MKLN1: variants seen among roughly 807,000 people sequenced by gnomAD.
MKLN1 encodes muskelin 1.
Under a neutral mutation model 99.0 loss-of-function variants are expected in MKLN1, and 18 were observed. The observed-to-expected ratio is 0.18, with a 90% CI of 0.13 to 0.27. The LOEUF (loss-of-function observed/expected upper bound fraction) is 0.27. Among genes scored for constraint, MKLN1 ranks in the 10% least tolerant of loss-of-function variants. The pLI, the probability that MKLN1 is intolerant of heterozygous loss-of-function variation, is 1.00. For synonymous variants in MKLN1, 288 were observed against 293.2 expected (o/e 0.98, Z 0.18); for missense variants, 621 against 875.9 (o/e 0.71, Z 3.67).
chr7:131,241,367 G>A (rs1330569468), intron 3 of MKLN1, among the ~76,000 whole-genome samples: 1 of 132,552 alleles, frequency 7.5e-6, no homozygotes, highest in African/African-American at 2.8e-5. Flanking sequence ...GACAGAAGGA[G>A]ACTCTGTCTA....
chr7:131,241,532 A>G (rs561309413), intron 3 of MKLN1, among the ~76,000 whole-genome samples: 1 of 152,294 alleles, frequency 6.6e-6, no homozygotes, highest in East Asian at 1.9e-4. Flanking sequence ...CATAGTGAGA[A>G]CTTGTCGCTA....
intron 1 of MKLN1, among the ~76,000 whole-genome samples, chr7:131,140,242 G>GA (rs1271664772): frequency 6.6e-6 from 1 of 152,134 alleles, no homozygotes; most frequent in East Asian, 1.9e-4. Context: ...CCTACTCCTT[G>GA]AAACATGCTT....
chr7:131,397,222 C>A, intron 4 of MKLN1, 45 bp from the exon 5 acceptor site: 1 of 1,240,082 alleles, frequency 8.1e-7, no homozygotes, highest in Non-Finnish European at 1.2e-6. Flanking sequence ...TTTATTTGAA[C>A]TGTGTTAATA....
At chr7:131,154,509 T>C (rs552357715) in intron 2 of MKLN1, among the ~76,000 whole-genome samples, 2 of 152,228 alleles carry the variant, frequency 1.3e-5, no homozygotes, top group South Asian at 2.1e-4. Context: ...TGAATTTGAA[T>C]TGAGAGTTGA....
chr7:131,158,751 C>T lies in MKLN1; in HGVS notation c.-297+15810C>T, dbSNP rs369448264. Among the ~76,000 whole-genome samples, 11 of 152,266 alleles carry T rather than the reference C, an allele frequency of 7.2e-5. No homozygotes were observed. The South Asian group carries it at 1.2e-3, about 17-fold the overall frequency. ...AATAGAAAATGGTGCAAAAACTGTT[C>T]AGTGAAAGGTGCATCTCATTTCCAT... On this transcript the variant is annotated intron_variant, in intron 2 of 7. Coordinates refer to the MKLN1 transcript ENST00000416992.
At chr7:131,275,561 A>AT (rs1163021502) in intron 3 of MKLN1, among the ~76,000 whole-genome samples, 13 of 12,498 alleles carry the variant, frequency 1.0e-3, no homozygotes, top group Admixed American at 1.3e-3. Context: ...ATATATATAT[A>AT]TATATATTTT....
chr7:131,192,062 ATATAT>A (rs1262036902), intron 2 of MKLN1, among the ~76,000 whole-genome samples: 1 of 118,582 alleles, frequency 8.4e-6, no homozygotes, highest in Non-Finnish European at 1.7e-5. Context: ...ACATGTATAT[ATATAT>A]TATATATATA....
At chr7:131,248,691 C>T (rs1055278762) in intron 3 of MKLN1, among the ~76,000 whole-genome samples, 5 of 152,056 alleles carry the variant, frequency 3.3e-5, no homozygotes, top group Admixed American at 1.3e-4. Context: ...CCAGGTTCAC[C>T]GTGAAAAGTT....
Position 131,230,521 on chromosome 7 carries a change from C to T in MKLN1, c.-179+27547C>T, listed in dbSNP as rs557046868. Among the ~76,000 whole-genome samples the T allele has an allele frequency of 1.6e-4, 24 of 152,306 alleles. No individual in the cohort carries two copies. The East Asian group carries it at 4.2e-3, about 27-fold the overall frequency. ...CAAAGCACCTTGGATGTTGATCCGT[C>T]ATGTTGACTTCTGATTAACCCCAGT... is the stretch of plus-strand genomic sequence containing the variant. On this transcript the variant is annotated intron_variant, in intron 3 of 7. Coordinates refer to the MKLN1 transcript ENST00000416992.
Position 131,471,470 on chromosome 7 carries a change from A to G in MKLN1, c.2031+526A>G, listed in dbSNP as rs142439154. Among the ~76,000 whole-genome samples, 16 of 152,332 alleles carry G rather than the reference A, an allele frequency of 1.1e-4. No individual in the cohort carries two copies. In the East Asian group the frequency reaches 2.7e-3, roughly 26 times the overall value. The stretch of plus-strand genomic sequence containing the variant: ...ATTTCATTCATCACTAGTTGCTAAG[A>G]TTGAGAAATCAGTTAGCCAATCATT... On this transcript the variant is annotated intron_variant, in intron 16 of 17. Coordinates refer to ENST00000352689, the MANE Select transcript of MKLN1 (RefSeq NM_013255.5).
At chr7:131,124,178 A>G (rs1795419523) in intron 1 of MKLN1, among the ~76,000 whole-genome samples, 1 of 152,180 alleles carries the variant, frequency 6.6e-6, no homozygotes. Context: ...TACCTGGGAA[A>G]TGGTAGACAA....
chr7:131,381,135 T>C (rs1793835088), intron 2 of MKLN1, among the ~76,000 whole-genome samples: 1 of 152,218 alleles, frequency 6.6e-6, no homozygotes, highest in Admixed American at 6.5e-5. Context: ...ATCTAACACA[T>C]GTATTTTCTC....
At chr7:131,437,223 CT>C (rs1201374146) in intron 9 of MKLN1, among the ~76,000 whole-genome samples, 2 of 152,210 alleles carry the variant, frequency 1.3e-5, no homozygotes, top group East Asian at 1.9e-4. Flanking sequence ...ATCCCTCCCC[CT>C]GACCCCCACC....
rs557513397 is a variant in MKLN1, at chr7:131,264,834, C to T, written c.-179+61860C>T. Among the ~76,000 whole-genome samples, 8 of 151,912 alleles carry T rather than the reference C, an allele frequency of 5.3e-5. No homozygotes were observed. In the South Asian group the frequency reaches 6.2e-4, roughly 12 times the overall value. ...GTAAAATACATTTTCTCCACTTATT[C>T]GGTAATTTTTTTTGTTTTTTTTGAG... On this transcript the variant is annotated intron_variant, in intron 3 of 7. Coordinates refer to the MKLN1 transcript ENST00000416992.
intron 15 of MKLN1, among the ~76,000 whole-genome samples, chr7:131,466,923 A>ACACACG (rs1254085462): frequency 2.0e-5 from 3 of 150,550 alleles, no homozygotes; most frequent in African/African-American, 7.4e-5. Context: ...ACACACACAC[A>ACACACG]CGCGCGCGCG....
At chr7:131,148,699 A>G (rs1795848383) in intron 2 of MKLN1, among the ~76,000 whole-genome samples, 1 of 152,150 alleles carries the variant, frequency 6.6e-6, no homozygotes, top group Non-Finnish European at 1.5e-5. Flanking sequence ...CTTGAACCCC[A>G]GGAGGTCAAG....
At chr7:131,227,537 C>CTTTCTTTCTTTCTT (rs1387124487) in intron 3 of MKLN1, among the ~76,000 whole-genome samples, 10 of 132,168 alleles carry the variant, frequency 7.6e-5, no homozygotes, top group South Asian at 4.7e-4. Context: ...TTCTTTCTTT[C>CTTTCTTTCTTTCTT]TCTCTTTCTT....
chr7:131,218,152 GT>G (rs1202336017), intron 3 of MKLN1, among the ~76,000 whole-genome samples: 1 of 152,206 alleles, frequency 6.6e-6, no homozygotes, highest in African/African-American at 2.4e-5. Context: ...AGTGGTGCCA[GT>G]TGGTTCATAC....
chr7:131,457,264 C>T (rs868036305), intron 12 of MKLN1, among the ~76,000 whole-genome samples: 14 of 146,888 alleles, frequency 9.5e-5, no homozygotes, highest in Middle Eastern at 3.5e-3. Context: ...GCAACAAGAG[C>T]GAAACTCCAT....
Sources: gnomAD v4.1 joint callset for allele counts (sites outside exome capture counted in the v4.1 genomes callset) on GRCh38, gnomAD v4.1.1 for gene constraint, MANE v1.5 for transcripts, NCBI Gene and HGNC (gene_info 2026-07-23, HGNC 2026-07-21) for gene names.